The following PRPH2 variants were observed in gnomAD, a reference collection of about 807,000 sequenced individuals.
PRPH2 encodes the protein peripherin 2.
Under a neutral mutation model 31.3 loss-of-function variants are expected in PRPH2, and 17 were observed. The observed-to-expected ratio is 0.54, with a 90% CI of 0.37 to 0.81. The LOEUF is 0.81. Among genes scored for constraint, PRPH2 ranks in the 40% least tolerant of loss-of-function variants. The pLI is 0.00. For missense variants in PRPH2, 430 were observed against 439.7 expected (o/e 0.98, Z 0.20); for synonymous variants, 165 against 184.4 (o/e 0.89, Z 0.85).
Position 42,721,989 on chromosome 6 carries a change from C to T in PRPH2, c.346G>A (p.Ala116Thr), listed in dbSNP as rs140227298. 6.2e-7 allele frequency: 1 copy of T among 1,614,110 alleles called. No homozygotes were observed. The highest frequency in any genetic ancestry group is 8.5e-7 in the Non-Finnish European group (1 of 1,180,042). The change falls in exon 1 of 3, where the codon GCT becomes ACT. Residue 116 changes from alanine (A) to threonine (T), a missense_variant. Ala to Thr is a moderately conservative substitution (Grantham distance 58). Transcript: ENST00000230381. ...VLFNIILFLV[A>T]LCCFLLRGSL... ...CCCCGAAGCAGAAAGCAGCAGAGAGCCACAAGGAAGAGGATGATGTTGAAG... is the reference window on the plus strand; with the variant it reads ...CCCCGAAGCAGAAAGCAGCAGAGAGTCACAAGGAAGAGGATGATGTTGAAG...
At position 42,697,444 on chromosome 6, in the gene PRPH2, CTGAT is replaced by C. The variant is rs1299464577; in HGVS notation, c.*847_*850del. 2 of 152,196 alleles carry C rather than the reference CTGAT, an allele frequency of 1.3e-5. No individual in the cohort carries two copies. Among genetic ancestry groups the C allele is most frequent in the African/African-American group, 4.8e-5 (2 of 41,362 alleles). 9.4% of individuals were successfully genotyped at this position (152,196 alleles called of 1,614,324 possible). A position where few individuals can be genotyped will look rare whatever the true frequency, so the allele number is the denominator to read the frequency against. Reference sequence around the variant, plus strand: ...TGGTCTCCAAAGGGTGGACTCATGTCTGATTGTTGCTCCTCTTCCACAGCAGGGC... The same window carrying C: ...TGGTCTCCAAAGGGTGGACTCATGTCTGTTGCTCCTCTTCCACAGCAGGGC... On this transcript the variant is annotated 3_prime_UTR_variant, in exon 3 of 3. Coordinates refer to ENST00000230381, the MANE Select transcript of PRPH2 (RefSeq NM_000322.5).
chr6:42,715,186 G>C (rs925942660), intron 1 of PRPH2, among the ~76,000 whole-genome samples: 1 of 152,066 alleles, frequency 6.6e-6, no homozygotes, highest in Non-Finnish European at 1.5e-5. Flanking sequence ...TCCAGCCTGG[G>C]TGACGGGGCA....
chr6:42,700,084 G>A (rs566850811), intron 2 of PRPH2, among the ~76,000 whole-genome samples: 6 of 150,870 alleles, frequency 4.0e-5, no homozygotes, highest in Admixed American at 1.3e-4. Context: ...TCAGCCTCCC[G>A]AGTAGCTGGG....
intron 1 of PRPH2, among the ~76,000 whole-genome samples, chr6:42,719,469 T>C (rs1055844662): frequency 6.6e-6 from 1 of 150,660 alleles, no homozygotes; most frequent in African/African-American, 2.4e-5. Flanking sequence ...CCACTGCACC[T>C]GGCTTCAGTG....
intron 1 of PRPH2, chr6:42,711,674 T>C: frequency 1.2e-6 from 1 of 847,582 alleles, no homozygotes; most frequent in Non-Finnish European, 1.4e-6. Flanking sequence ...AGTTCCCGTC[T>C]GAGAGGGGAG....
intron 1 of PRPH2, among the ~76,000 whole-genome samples, chr6:42,710,250 C>T (rs963023242): frequency 7.9e-5 from 12 of 151,952 alleles, no homozygotes; most frequent in Admixed American, 2.0e-4. Context: ...CAGACTGGGG[C>T]CCCCTGAAGA....
chr6:42,714,806 C>T (rs1239168657), intron 1 of PRPH2, among the ~76,000 whole-genome samples: 1 of 152,186 alleles, frequency 6.6e-6, no homozygotes, highest in Non-Finnish European at 1.5e-5. Flanking sequence ...GTGTGAGCCA[C>T]CACATGTGGC....
At chr6:42,718,390 C>A (rs913037900) in intron 1 of PRPH2, among the ~76,000 whole-genome samples, 6 of 151,806 alleles carry the variant, frequency 4.0e-5, no homozygotes, top group Non-Finnish European at 8.8e-5. Flanking sequence ...ATAGCTTGAA[C>A]CCTGGAGGTG....
At position 42,698,448 on chromosome 6, in the gene PRPH2, G is replaced by A. The variant is rs183714869; in HGVS notation, c.888C>T (p.Pro296=). ...CCTGGCTCTCGCTCTCAGATTCCTC[G>A]GGGTTGGACACACCATCCAGCGACG... The part of the protein sequence containing the change: ...LQTSLDGVSN[P]EESESESQGW... Residue 296 remains proline (P), a synonymous_variant, in exon 3 of 3, where the codon CCC becomes CCT. Transcript: ENST00000230381. 5.0e-5 allele frequency: 81 copies of A among 1,614,126 alleles called. No individual in the cohort carries two copies. The highest frequency in any genetic ancestry group is 6.6e-5 in the Non-Finnish European group (78 of 1,179,998).
chr6:42,709,261 T>C (rs552191591), intron 1 of PRPH2, among the ~76,000 whole-genome samples: 28 of 144,330 alleles, frequency 1.9e-4, no homozygotes, highest in Non-Finnish European at 3.4e-4. Context: ...ACCAGGGAGG[T>C]GGAGATTGCA....
chr6:42,705,599 A>AAAAAATATATATAT (rs1562424252), intron 1 of PRPH2, among the ~76,000 whole-genome samples: 32 of 21,256 alleles, frequency 1.5e-3, no homozygotes, highest in Admixed American at 2.6e-3. Context: ...AAAAAAAAAA[A>AAAAAATATATATAT]ATATATATAT....
intron 2 of PRPH2, 59 bp from the exon 3 acceptor site, chr6:42,698,566 T>C: frequency 6.2e-7 from 1 of 1,605,132 alleles, no homozygotes; most frequent in South Asian, 1.1e-5. Context: ...AGCTGGACCA[T>C]TAGGAAACCA....
In PRPH2 at chr6:42,698,102, G is replaced by A. The variant is rs1799978231; in HGVS notation, c.*193C>T. The A allele has an allele frequency of 1.4e-6, 1 of 705,182 alleles. No homozygotes were observed. The highest frequency in any genetic ancestry group is 1.9e-5 in the South Asian group (1 of 53,658). The allele number at this position is 705,182 out of a possible 1,614,324, so 43.7% of individuals were successfully genotyped here. On this transcript the variant is annotated 3_prime_UTR_variant, in exon 3 of 3. Transcript: ENST00000230381. ...TCACATTAGCTTCATTCACATTTTGGGTCAGTCATTCAACAACTGTGTGTC... is the reference window on the plus strand; with the variant it reads ...TCACATTAGCTTCATTCACATTTTGAGTCAGTCATTCAACAACTGTGTGTC...
chr6:42,707,339 G>C (rs1010556527), intron 1 of PRPH2, among the ~76,000 whole-genome samples: 1 of 152,098 alleles, frequency 6.6e-6, no homozygotes, highest in South Asian at 2.1e-4. Context: ...CCAGTCTCTC[G>C]TTAATACAAA....
At chr6:42,715,434 G>T (rs1000097195) in intron 1 of PRPH2, among the ~76,000 whole-genome samples, 2 of 152,200 alleles carry the variant, frequency 1.3e-5, no homozygotes, top group Admixed American at 6.5e-5. Context: ...AATTTGGGAG[G>T]CCGAGGCAGG....
intron 1 of PRPH2, among the ~76,000 whole-genome samples, chr6:42,721,391 C>G (rs918761119): frequency 6.6e-6 from 1 of 152,162 alleles, no homozygotes; most frequent in African/African-American, 2.4e-5. Context: ...CAAATAGTAC[C>G]TCAGTGTTTG....
intron 2 of PRPH2, among the ~76,000 whole-genome samples, chr6:42,704,000 T>G (rs1054272595): frequency 6.6e-6 from 1 of 151,740 alleles, no homozygotes; most frequent in Non-Finnish European, 1.5e-5. Context: ...ATCGGGAGGC[T>G]GAGGCAGAAG....
Position 42,722,260 on chromosome 6 carries a change from C to A in PRPH2, c.75G>T (p.Trp25Cys), listed in dbSNP as rs146686238. ...TGATGATGCCAGCCAACACGGAGAA[C>A]CAGTTCATGAGCCAGAGCCCTTGGG... ...KLAQGLWLMN[W>C]FSVLAGIIIF... The change falls in exon 1 of 3, where the codon TGG (tryptophan) becomes TGT (cysteine). Residue 25 changes from tryptophan to cysteine, a missense_variant. Trp to Cys is a radical substitution (Grantham distance 215). Coordinates refer to ENST00000230381, the MANE Select transcript of PRPH2 (RefSeq NM_000322.5). This position sits in a 1 kb window ranked among gnomAD's most constrained non-coding sequence, Gnocchi z 4.4. The A allele has an allele frequency of 6.2e-7, 1 of 1,614,158 alleles. No homozygotes were observed.
rs34162811 is a variant in PRPH2 at position 42,706,975 on chromosome 6, C to CTTT, written c.582-2367_582-2365dup. On this transcript the variant is annotated intron_variant, in intron 1 of 2. Coordinates refer to ENST00000230381, the MANE Select transcript of PRPH2 (RefSeq NM_000322.5). ...TTTCCCTTAGCAATATCTTGGAGAT[C>CTTT]TTTTTTTTTTTTTTTTTGGCATGGA... Among the ~76,000 whole-genome samples the CTTT allele has an allele frequency of 8.6e-3, 1,059 of 123,612 alleles. 29 individuals are homozygous for CTTT. The highest frequency in any genetic ancestry group is 0.018 in the Middle Eastern group (4 of 222). 81.1% of individuals were successfully genotyped at this position (123,612 alleles called of 152,430 possible).
Sources: allele counts gnomAD v4.1 joint callset (sites outside exome capture counted in the v4.1 genomes callset), GRCh38; gene constraint gnomAD v4.1.1; non-coding constraint Gnocchi (gnomAD v3.1); transcripts MANE v1.5; gene names NCBI Gene and HGNC (gene_info 2026-07-23, HGNC 2026-07-21).